CDH2: variants seen among roughly 807,000 people sequenced by gnomAD.
The protein encoded by CDH2 is cadherin-2.
CDH2 carries 17 observed loss-of-function variants against 92.0 expected under a neutral mutation model. The ratio of observed to expected loss-of-function variants is 0.18; its 90% CI spans 0.13 to 0.28. The LOEUF (loss-of-function observed/expected upper bound fraction) is 0.28, where lower values mean the gene tolerates loss of function less well. Ranked by LOEUF, CDH2 falls within the 10% of genes least tolerant of loss-of-function variation. The probability of loss-of-function intolerance (pLI) is 1.00; values close to 1 mark genes in which losing one functional copy is unlikely to be tolerated. For missense variants in CDH2, 862 were observed against 1,133.1 expected (o/e 0.76, Z 3.44); for synonymous variants, 419 against 415.9 (o/e 1.01, Z -0.09).
At chr18:27,933,740 G>A (rs1231705323) in intron 6 of CDH2, among the ~76,000 whole-genome samples, 1 of 152,178 alleles carries the variant, frequency 6.6e-6, no homozygotes, top group African/African-American at 2.4e-5. Flanking sequence ...ATCAATGATT[G>A]TTTCAGGAAA....
chr18:27,956,954 T>C lies in CDH2; in HGVS notation c.2515-4595A>G, dbSNP rs140471853. ...AAAGCATTCAGTGAACCAAGACTGT[T>C]TACCCACCTTTTCTGTTTCAGCTAT... On this transcript the variant is annotated intron_variant, in intron 15 of 15. Transcript: ENST00000269141. Among the ~76,000 whole-genome samples, 188 of 152,204 alleles carry C rather than the reference T, an allele frequency of 1.2e-3. 3 individuals carry two copies. In the East Asian group the frequency reaches 0.032, roughly 26 times the overall value.
chr18:28,169,554 G>C (rs1157387219), intron 1 of CDH2, among the ~76,000 whole-genome samples: 1 of 151,786 alleles, frequency 6.6e-6, no homozygotes, highest in African/African-American at 2.4e-5. Flanking sequence ...AGAAAATCTG[G>C]GCATACATGT....
chr18:28,175,817 T>C (rs2016531188), intron 1 of CDH2, among the ~76,000 whole-genome samples: 2 of 152,184 alleles, frequency 1.3e-5, no homozygotes, highest in South Asian at 4.1e-4. Flanking sequence ...CTCCGTGGAT[T>C]TTCCTGCCCC....
chr18:27,972,059 T>C, intron 14 of CDH2, among the ~76,000 whole-genome samples: 1 of 152,076 alleles, frequency 6.6e-6, no homozygotes, highest in Non-Finnish European at 1.5e-5. Flanking sequence ...CTCAGAAAAG[T>C]GGCGGGTTTG....
At chr18:28,162,450 G>C (rs1214931163) in intron 1 of CDH2, among the ~76,000 whole-genome samples, 1 of 152,170 alleles carries the variant, frequency 6.6e-6, no homozygotes, top group African/African-American at 2.4e-5. Context: ...ACTATCAACA[G>C]CTCATGAGAC....
chr18:28,160,131 T>C (rs1440690192), intron 1 of CDH2, among the ~76,000 whole-genome samples: 1 of 151,588 alleles, frequency 6.6e-6, no homozygotes, highest in Non-Finnish European at 1.5e-5. Flanking sequence ...AAATGATAGC[T>C]GTTTAAGAGG....
intron 2 of CDH2, among the ~76,000 whole-genome samples, chr18:28,137,768 A>G (rs1187716361): frequency 6.6e-6 from 1 of 152,078 alleles, no homozygotes; most frequent in Non-Finnish European, 1.5e-5. Context: ...TCTTAGAAAT[A>G]TATAATTTTT....
rs1360550121 is a variant in CDH2, at chr18:28,009,951, T to C, written c.547-79A>G. 12 of 1,153,766 alleles carry C rather than the reference T, an allele frequency of 1.0e-5. No homozygotes were observed. In the East Asian group the frequency reaches 1.3e-4, roughly 12 times the overall value. The allele number at this position is 1,153,766 out of a possible 1,614,324, so 71.5% of individuals were successfully genotyped here. A position where few individuals can be genotyped will look rare whatever the true frequency, so the allele number is the denominator to read the frequency against. Reference sequence around the variant, plus strand: ...CAGAGATGGGGCACATCACACTTCATGCCCTTTTTCAGCTACAAACTTATA... The same window carrying C: ...CAGAGATGGGGCACATCACACTTCACGCCCTTTTTCAGCTACAAACTTATA... On this transcript the variant is annotated intron_variant, in intron 4 of 15. Coordinates refer to ENST00000269141, the MANE Select transcript of CDH2 (RefSeq NM_001792.5).
intron 2 of CDH2, among the ~76,000 whole-genome samples, chr18:28,035,326 T>C (rs74323223): frequency 0.014 from 2,186 of 152,180 alleles, 32 homozygotes; most frequent in Non-Finnish European, 0.017. Flanking sequence ...CTATTTTACA[T>C]GCACATACTA....
chr18:28,053,004 G>C (rs560866919), intron 2 of CDH2, among the ~76,000 whole-genome samples: 2 of 152,246 alleles, frequency 1.3e-5, no homozygotes, highest in South Asian at 4.1e-4. Flanking sequence ...ATAAAAAGAC[G>C]AATTTTGGAC....
chr18:28,029,547 TAGTTACTGCTTCAACTGAC>T (rs1394803605), intron 2 of CDH2, among the ~76,000 whole-genome samples: 1 of 152,096 alleles, frequency 6.6e-6, no homozygotes, highest in Non-Finnish European at 1.5e-5. Flanking sequence ...GCAATCTGAA[TAGTTACTGCTTCAACTGAC>T]AATAATAATC....
At chr18:28,036,163 C>T (rs991903935) in intron 2 of CDH2, among the ~76,000 whole-genome samples, 1 of 152,056 alleles carries the variant, frequency 6.6e-6, no homozygotes, top group Admixed American at 6.6e-5. Context: ...AAATGTATCT[C>T]TTGTTTTGAA....
chr18:27,983,284 G>A (rs546412270), intron 13 of CDH2, among the ~76,000 whole-genome samples: 1 of 152,154 alleles, frequency 6.6e-6, no homozygotes, highest in East Asian at 1.9e-4. Context: ...GAGTATGAAG[G>A]CCTGGGCTCC....
At chr18:28,160,263 T>C (rs1449583709) in intron 1 of CDH2, among the ~76,000 whole-genome samples, 1 of 151,638 alleles carries the variant, frequency 6.6e-6, no homozygotes, top group African/African-American at 2.4e-5. Flanking sequence ...GGTGAACAAT[T>C]TGGGTGAGGG....
intron 2 of CDH2, among the ~76,000 whole-genome samples, chr18:28,058,920 T>G (rs2014348658): frequency 6.6e-6 from 1 of 152,194 alleles, no homozygotes; most frequent in Middle Eastern, 3.2e-3. Context: ...TGTAGACACT[T>G]GGTTACAAAA....
chr18:28,115,978 T>C (rs1043693852), intron 2 of CDH2, among the ~76,000 whole-genome samples: 2 of 152,162 alleles, frequency 1.3e-5, no homozygotes, highest in African/African-American at 4.8e-5. Flanking sequence ...AATAATCATT[T>C]GTTTATTTAA....
chr18:28,051,394 A>T (rs1327231144), intron 2 of CDH2, among the ~76,000 whole-genome samples: 1 of 152,166 alleles, frequency 6.6e-6, no homozygotes, highest in Non-Finnish European at 1.5e-5. Flanking sequence ...ATCCCTGCAT[A>T]ATTAATAGGA....
In CDH2 at chr18:28,174,990, T is replaced by C. The variant is rs17495424; in HGVS notation, c.60+1973A>G. ...AAAAAAAAATCCTAATACACAGGAGTCTTTAAGTTTGTCTTGCCTTCCATT... is the reference window on the plus strand; with the variant it reads ...AAAAAAAAATCCTAATACACAGGAGCCTTTAAGTTTGTCTTGCCTTCCATT... On this transcript the variant is annotated intron_variant, in intron 1 of 15. Transcript: ENST00000269141. Among the ~76,000 whole-genome samples, 1,263 of 151,984 alleles carry C rather than the reference T, an allele frequency of 8.3e-3. 15 individuals are homozygous for C. Among genetic ancestry groups the C allele is most frequent in the African/African-American group, 0.028 (1,161 of 41,424 alleles).
chr18:28,136,402 T>C (rs546077409), intron 2 of CDH2, among the ~76,000 whole-genome samples: 1 of 151,716 alleles, frequency 6.6e-6, no homozygotes, highest in Admixed American at 6.6e-5. Context: ...TTTTTTTTTT[T>C]ACCATCAAGT....
Sources: gnomAD v4.1 joint callset for allele counts (sites outside exome capture counted in the v4.1 genomes callset) on GRCh38, gnomAD v4.1.1 for gene constraint, MANE v1.5 for transcripts, NCBI Gene and HGNC (gene_info 2026-07-23, HGNC 2026-07-21) for gene names.